RBM33: variants seen among roughly 807,000 people sequenced by gnomAD.
RBM33 encodes the protein RNA-binding protein 33.
RBM33 carries 28 observed loss-of-function variants against 132.6 expected under a neutral mutation model. That is an observed-to-expected ratio of 0.21 (90% CI 0.16 to 0.29). RBM33 has a LOEUF of 0.29. RBM33 is among the 10% of genes least tolerant of loss of function. RBM33 has a pLI of 1.00. For missense variants in RBM33, 1,291 were observed against 1,518.5 expected, an observed-to-expected ratio of 0.85 and a Z score of 2.49; for synonymous variants, 634 against 593.0, an observed-to-expected ratio of 1.07 and a Z score of -1.01.
intron 2 of RBM33, among the ~76,000 whole-genome samples, chr7:155,666,119 T>C (rs934410751): frequency 2.0e-5 from 3 of 152,116 alleles, no homozygotes; most frequent in Non-Finnish European, 4.4e-5. Flanking sequence ...AAAGAATATA[T>C]GTAGAAAGAT....
chr7:155,720,534 C>T (rs1800591638), intron 9 of RBM33, among the ~76,000 whole-genome samples: 1 of 152,096 alleles, frequency 6.6e-6, no homozygotes, highest in African/African-American at 2.4e-5. Flanking sequence ...CTAGATTAAA[C>T]TTGGTTCCTG....
chr7:155,754,677 A>G (rs1027674782), intron 14 of RBM33, among the ~76,000 whole-genome samples: 2 of 152,254 alleles, frequency 1.3e-5, no homozygotes, highest in Non-Finnish European at 2.9e-5. Context: ...AGATCTCCCC[A>G]GGCCTAGCTA....
At chr7:155,755,151 C>T (rs1801809150) in intron 14 of RBM33, among the ~76,000 whole-genome samples, 1 of 152,196 alleles carries the variant, frequency 6.6e-6, no homozygotes, top group Non-Finnish European at 1.5e-5. Context: ...CAGGGATAGG[C>T]CCAGCATTGT....
intron 3 of RBM33, among the ~76,000 whole-genome samples, chr7:155,673,753 T>TGC (rs1563137916): frequency 3.1e-4 from 15 of 48,890 alleles, no homozygotes; most frequent in African/African-American, 1.0e-3. Context: ...CACGTGTATA[T>TGC]ACGCGCGCAT....
chr7:155,732,512 C>T (rs1373375925), intron 9 of RBM33, among the ~76,000 whole-genome samples: 2 of 152,202 alleles, frequency 1.3e-5, no homozygotes, highest in Non-Finnish European at 2.9e-5. Context: ...ATGGTTGGGG[C>T]TGACGGCTTG....
At position 155,747,977 on chromosome 7, in the gene RBM33, T is replaced by G. The variant is rs1304287191; in HGVS notation, c.2979+2375T>G. ...AGGAAGCATTTATTTTGGCTTGTGTTTCTGTTCCTGGCTGCTGGAGAGGCA... is the reference window on the plus strand; with the variant it reads ...AGGAAGCATTTATTTTGGCTTGTGTGTCTGTTCCTGGCTGCTGGAGAGGCA... On this transcript the variant is annotated intron_variant, in intron 14 of 17. Coordinates refer to ENST00000401878, the MANE Select transcript of RBM33 (RefSeq NM_053043.3). Among the ~76,000 whole-genome samples, 6 of 152,354 alleles carry G rather than the reference T, an allele frequency of 3.9e-5. No individual in the cohort carries two copies. The East Asian group carries it at 1.2e-3, about 29-fold the overall frequency.
rs1554469952 is a variant in RBM33 at position 155,673,768 on chromosome 7, G to GCGCGCGCGCACTCACA, written c.171+854_171+855insGCGCGCGCACTCACAC. 5.3e-5 allele frequency among the ~76,000 whole-genome samples: 7 copies of GCGCGCGCGCACTCACA among 132,962 alleles called. 1 individual carries two copies. Among genetic ancestry groups the GCGCGCGCGCACTCACA allele is most frequent in the African/African-American group, 1.9e-4 (6 of 30,836 alleles). The allele number at this position is 132,962 out of a possible 152,430, so 87.2% of individuals were successfully genotyped here. The stretch of plus-strand genomic sequence containing the variant: ...CACGTGTATATACGCGCGCATGCGC[G>GCGCGCGCGCACTCACA]CACACACACACACACACACACACAC... On this transcript the variant is annotated intron_variant, in intron 3 of 17. Transcript: ENST00000401878.
chr7:155,730,929 A>G (rs1047666592), intron 9 of RBM33, among the ~76,000 whole-genome samples: 2 of 152,208 alleles, frequency 1.3e-5, no homozygotes, highest in Non-Finnish European at 2.9e-5. Flanking sequence ...TTAGAGACCT[A>G]AGAGGTGATG....
intron 6 of RBM33, 124 bp downstream of exon 6, chr7:155,701,068 G>A (rs902929873): frequency 1.6e-5 from 13 of 812,824 alleles, no homozygotes; most frequent in Non-Finnish European, 2.7e-5. Context: ...CGTCCGGAGA[G>A]TGGCCGGACT....
chr7:155,703,510 A>T (rs966704079), intron 6 of RBM33, among the ~76,000 whole-genome samples: 4 of 152,226 alleles, frequency 2.6e-5, no homozygotes, highest in Middle Eastern at 3.2e-3. Flanking sequence ...GTGAAACCAT[A>T]GTTAAAAGTA....
intron 9 of RBM33, among the ~76,000 whole-genome samples, chr7:155,725,839 A>G (rs1015553251): frequency 6.6e-6 from 1 of 152,200 alleles, no homozygotes; most frequent in Admixed American, 6.5e-5. Context: ...CATGAAACCT[A>G]GTACTTGGCA....
chr7:155,773,393 C>T (rs1019905460), intron 16 of RBM33, among the ~76,000 whole-genome samples: 7 of 151,798 alleles, frequency 4.6e-5, no homozygotes, highest in Non-Finnish European at 1.0e-4. Flanking sequence ...TAGTGAAACC[C>T]GGTCTCTACT....
chr7:155,675,347 T>A (rs531914605), intron 3 of RBM33, among the ~76,000 whole-genome samples: 68 of 152,178 alleles, frequency 4.5e-4, no homozygotes, highest in Non-Finnish European at 6.0e-4. Flanking sequence ...ACTTTTTTTT[T>A]AATTTAACAT....
In RBM33 at chr7:155,769,425, G is replaced by T. The variant is rs938976605; in HGVS notation, c.3375+2770G>T. On this transcript the variant is annotated intron_variant, in intron 16 of 17. Transcript: ENST00000401878. ...GAGTCAGCTTTGCTCCCAAGGCCAGGGGGGCTGCCGTCCCCCAGAGGCTGC... is the reference window on the plus strand; with the variant it reads ...GAGTCAGCTTTGCTCCCAAGGCCAGTGGGGCTGCCGTCCCCCAGAGGCTGC... Among the ~76,000 whole-genome samples, 3 of 152,204 alleles carry T rather than the reference G, an allele frequency of 2.0e-5. 1 individual carries two copies. The highest frequency in any genetic ancestry group is 1.3e-4 in the Admixed American group (2 of 15,284).
intron 16 of RBM33, among the ~76,000 whole-genome samples, chr7:155,771,222 G>A (rs1468382379): frequency 6.6e-6 from 1 of 152,146 alleles, no homozygotes; most frequent in Non-Finnish European, 1.5e-5. Context: ...GTGTAGACGT[G>A]TATATTTTCA....
intron 5 of RBM33, among the ~76,000 whole-genome samples, chr7:155,689,920 G>C (rs995981639): frequency 6.6e-6 from 1 of 152,190 alleles, no homozygotes; most frequent in Non-Finnish European, 1.5e-5. Context: ...GAATAAGTGT[G>C]ATGTGCTGAG....
At chr7:155,680,956 G>T (rs767262774) in intron 5 of RBM33, 48 bp downstream of exon 5, 1 of 1,483,736 alleles carries the variant, frequency 6.7e-7, no homozygotes, top group African/African-American at 1.4e-5. Context: ...GGCTTCCCAT[G>T]CATAGGCTTC....
At chr7:155,735,721 C>CTCTCTCTCTG (rs1554481631) in intron 9 of RBM33, among the ~76,000 whole-genome samples, 6 of 131,556 alleles carry the variant, frequency 4.6e-5, no homozygotes, top group African/African-American at 2.2e-4. Flanking sequence ...CTCTCTCTGT[C>CTCTCTCTCTG]TCTCTCTCTC....
At chr7:155,747,662 G>T (rs949267987) in intron 14 of RBM33, among the ~76,000 whole-genome samples, 3 of 152,172 alleles carry the variant, frequency 2.0e-5, no homozygotes, top group African/African-American at 7.2e-5. Context: ...AATTTTTCAT[G>T]AAAATAGCTG....
Sources: gnomAD v4.1 joint callset for allele counts (sites outside exome capture counted in the v4.1 genomes callset) on GRCh38, gnomAD v4.1.1 for gene constraint, MANE v1.5 for transcripts, NCBI Gene and HGNC (gene_info 2026-07-23, HGNC 2026-07-21) for gene names.